Variants in CSMD1 observed in about 807,000 individuals in gnomAD.
CSMD1 encodes the protein CUB and sushi domain-containing protein 1.
Under a neutral mutation model 417.5 loss-of-function variants are expected in CSMD1, and 213 were observed. The observed-to-expected ratio is 0.51, with a 90% confidence interval of 0.46 to 0.57. CSMD1 has a LOEUF of 0.57. CSMD1 is among the 20% of genes least tolerant of loss of function. The pLI, the probability that CSMD1 is intolerant of heterozygous loss-of-function variation, is 0.00. For synonymous variants in CSMD1, 2,862 were observed against 1,736.8 expected (o/e 1.65, Z -16.11); for missense variants, 6,923 against 4,529.7 (o/e 1.53, Z -15.17).
At chr8:4,790,819 T>A (rs141932997) in intron 1 of CSMD1, among the ~76,000 whole-genome samples, 2 of 152,218 alleles carry the variant, frequency 1.3e-5, no homozygotes, top group African/African-American at 2.4e-5. Flanking sequence ...TTTCACCATA[T>A]AAGAAAATCA....
At chr8:2,978,886 C>A (rs1211315178) in intron 54 of CSMD1, 86 bp from the exon 55 acceptor site, 2 of 1,182,036 alleles carry the variant, frequency 1.7e-6, no homozygotes, top group Admixed American at 3.0e-5. Context: ...AATTCCTCAT[C>A]ATTTTAGAAA....
intron 23 of CSMD1, among the ~76,000 whole-genome samples, chr8:3,327,628 G>A (rs1446446347): frequency 6.6e-6 from 1 of 152,104 alleles, no homozygotes; most frequent in African/African-American, 2.4e-5. Context: ...AGTGACCTGG[G>A]AATAGTAAAG....
chr8:4,063,183 T>A (rs1367560491), intron 3 of CSMD1, among the ~76,000 whole-genome samples: 1 of 152,160 alleles, frequency 6.6e-6, no homozygotes, highest in Non-Finnish European at 1.5e-5. Flanking sequence ...CAGTAATGGA[T>A]ATCATAATTA....
chr8:3,509,636 A>G (rs1026667719), intron 10 of CSMD1, among the ~76,000 whole-genome samples: 1 of 152,256 alleles, frequency 6.6e-6, no homozygotes, highest in African/African-American at 2.4e-5. Flanking sequence ...GAAAGGGAAG[A>G]AGCTATAAGA....
At position 3,524,476 on chromosome 8, in the gene CSMD1, G is replaced by A. The variant is rs544025713; in HGVS notation, c.1345-30750C>T. ...GCACATATGCATGCACACCCAGAAA[G>A]ACATGTGCACACACAAGTACACACA... On this transcript the variant is annotated intron_variant, in intron 10 of 69. Coordinates refer to ENST00000635120, the MANE Select transcript of CSMD1 (RefSeq NM_033225.6). Among the ~76,000 whole-genome samples, 753 of 147,392 alleles carry A rather than the reference G, an allele frequency of 5.1e-3. 6 individuals are homozygous for A. Among genetic ancestry groups the A allele is most frequent in the African/African-American group, 0.018 (715 of 39,380 alleles).
At chr8:4,843,861 G>A (rs944391787) in intron 1 of CSMD1, among the ~76,000 whole-genome samples, 6 of 152,142 alleles carry the variant, frequency 3.9e-5, no homozygotes, top group Admixed American at 6.5e-5. Flanking sequence ...GGAGTCAACC[G>A]CAATTTAACA....
intron 37 of CSMD1, among the ~76,000 whole-genome samples, chr8:3,169,962 A>G (rs1027118428): frequency 1.3e-5 from 2 of 152,004 alleles, no homozygotes; most frequent in Admixed American, 6.6e-5. Context: ...CGCCCACCTC[A>G]TCTAAGAAAG....
rs1183890869 is a variant in CSMD1 at position 4,088,894 on chromosome 8, C to G, written c.416-56795G>C. Among the ~76,000 whole-genome samples the G allele has an allele frequency of 3.9e-5, 6 of 152,290 alleles. No homozygotes were observed. In the East Asian group the frequency reaches 5.8e-4, roughly 15 times the overall value. ...GTGTTCCACCCGCAATCTTCCCCCT[C>G]TACTCATTTTTATATTCAGCGAAAA... On this transcript the variant is annotated intron_variant, in intron 3 of 69. Transcript: ENST00000635120.
chr8:4,653,882 T>C (rs1804062345), intron 1 of CSMD1, among the ~76,000 whole-genome samples: 1 of 152,126 alleles, frequency 6.6e-6, no homozygotes, highest in African/African-American at 2.4e-5. Flanking sequence ...ACGTTATTCA[T>C]GCAAAATATC....
chr8:3,912,813 G>C lies in CSMD1; in HGVS notation c.818+85090C>G, dbSNP rs891544188. Among the ~76,000 whole-genome samples, 6 of 152,202 alleles carry C rather than the reference G, an allele frequency of 3.9e-5. 1 individual carries two copies. The South Asian group carries it at 8.3e-4, about 21-fold the overall frequency. On this transcript the variant is annotated intron_variant, in intron 5 of 69. Coordinates refer to ENST00000635120, the MANE Select transcript of CSMD1 (RefSeq NM_033225.6). ...AATGCTAGCTAGAGTAAACATGGTA[G>C]GATTTTATGATTTAAATTATATTCT...
At chr8:4,556,603 G>C (rs1316581624) in intron 2 of CSMD1, among the ~76,000 whole-genome samples, 8 of 152,170 alleles carry the variant, frequency 5.3e-5, no homozygotes, top group Admixed American at 5.2e-4. Context: ...ATAGTATATG[G>C]TAAAATAATC....
chr8:3,696,202 T>C (rs1010575147), intron 7 of CSMD1, among the ~76,000 whole-genome samples: 1 of 152,190 alleles, frequency 6.6e-6, no homozygotes, highest in Non-Finnish European at 1.5e-5. Context: ...CATATGCCCT[T>C]CAAACAGACA....
At chr8:4,815,809 C>A (rs1799174765) in intron 1 of CSMD1, among the ~76,000 whole-genome samples, 2 of 149,880 alleles carry the variant, frequency 1.3e-5, no homozygotes, top group African/African-American at 2.5e-5. Flanking sequence ...ATAAATTATT[C>A]AAGTAATGAA....
At chr8:4,290,269 G>A (rs1797287096) in intron 3 of CSMD1, among the ~76,000 whole-genome samples, 1 of 152,178 alleles carries the variant, frequency 6.6e-6, no homozygotes. Context: ...TTTGTTAGAA[G>A]AAAAGCATGG....
At chr8:4,672,972 G>A (rs956696308) in intron 1 of CSMD1, among the ~76,000 whole-genome samples, 4 of 151,074 alleles carry the variant, frequency 2.6e-5, no homozygotes, top group South Asian at 2.1e-4. Flanking sequence ...TAACACACAC[G>A]TTTCCATAGT....
chr8:3,270,262 T>A (rs577534157), intron 26 of CSMD1, among the ~76,000 whole-genome samples: 99 of 152,252 alleles, frequency 6.5e-4, no homozygotes, highest in South Asian at 1.2e-3. Context: ...ATCACCATGT[T>A]GGCCAGGCTG....
At chr8:3,831,739 C>G (rs1278676280) in intron 5 of CSMD1, among the ~76,000 whole-genome samples, 1 of 152,034 alleles carries the variant, frequency 6.6e-6, no homozygotes, top group South Asian at 2.1e-4. Flanking sequence ...TTTCCAAATA[C>G]AGTTCTCGGA....
chr8:4,178,167 T>A (rs1467511278), intron 3 of CSMD1, among the ~76,000 whole-genome samples: 1 of 152,206 alleles, frequency 6.6e-6, no homozygotes, highest in Non-Finnish European at 1.5e-5. Flanking sequence ...TGCAGATTGA[T>A]GCAGAAACCC....
chr8:4,637,354 T>C lies in CSMD1; in HGVS notation c.290A>G (p.Asn97Ser). 6.2e-7 allele frequency: 1 copy of C among 1,613,200 alleles called. No homozygotes were observed. Among genetic ancestry groups the C allele is most frequent in the Non-Finnish European group, 8.5e-7 (1 of 1,179,170 alleles). The change falls in exon 2 of 70, where the codon AAT (asparagine) becomes AGT (serine). Residue 97 changes from asparagine (N) to serine (S), a missense_variant. Transcript: ENST00000635120. The stretch of plus-strand genomic sequence containing the variant: ...GTTGATACCTTACCTCACTTTTAAA[T>C]TCCCTTGTTGAGGCTGTCCATCGTA... ...SVYDGQPQQGNLKVRLSGFQL... is the reference protein window; with the variant it reads ...SVYDGQPQQGSLKVRLSGFQL...
Sources: allele counts gnomAD v4.1 joint callset (sites outside exome capture counted in the v4.1 genomes callset), GRCh38; gene constraint gnomAD v4.1.1; transcripts MANE v1.5; gene names NCBI Gene and HGNC (gene_info 2026-07-23, HGNC 2026-07-21).